MYO1D: variants seen among roughly 807,000 people sequenced by gnomAD.
MYO1D encodes unconventional myosin-Id.
In MYO1D, 83 loss-of-function variants were observed where a neutral mutation model predicts 122.0. The observed-to-expected ratio is 0.68, with a 90% CI of 0.57 to 0.82. The LOEUF is 0.82. Ranked by LOEUF, MYO1D falls within the 40% of genes least tolerant of loss-of-function variation. The pLI, the probability that MYO1D is intolerant of heterozygous loss-of-function variation, is 0.00. For missense variants in MYO1D, 1,157 were observed against 1,269.5 expected (o/e 0.91, Z 1.35); for synonymous variants, 464 against 446.9 (o/e 1.04, Z -0.48).
At chr17:32,531,144 G>A (rs1910497352) in intron 21 of MYO1D, 1 of 152,232 alleles carries the variant, frequency 6.6e-6, no homozygotes, top group Non-Finnish European at 1.5e-5. Flanking sequence ...CTGGGTACAG[G>A]GCATGAGAAC....
At chr17:32,564,427 T>A (rs928029893) in intron 21 of MYO1D, among the ~76,000 whole-genome samples, 1 of 152,196 alleles carries the variant, frequency 6.6e-6, no homozygotes, top group Non-Finnish European at 1.5e-5. Context: ...ACCCTCTACT[T>A]AGCAATTATG....
chr17:32,856,350 A>G (rs1369678602), intron 1 of MYO1D, among the ~76,000 whole-genome samples: 5 of 152,084 alleles, frequency 3.3e-5, no homozygotes, highest in African/African-American at 1.2e-4. Flanking sequence ...CCTCCTTCCC[A>G]TCATTACCTA....
At chr17:32,625,774 G>C (rs2087920011) in intron 20 of MYO1D, among the ~76,000 whole-genome samples, 1 of 152,138 alleles carries the variant, frequency 6.6e-6, no homozygotes, top group African/African-American at 2.4e-5. Flanking sequence ...CAGGTGATCT[G>C]CCTGCTTCAG....
At chr17:32,772,128 G>A (rs947351338) in intron 5 of MYO1D, among the ~76,000 whole-genome samples, 7 of 152,124 alleles carry the variant, frequency 4.6e-5, no homozygotes, top group Admixed American at 1.3e-4. Flanking sequence ...GTTACTTTCT[G>A]TTAACCTTGA....
At chr17:32,645,767 G>A (rs2150944798) in intron 19 of MYO1D, among the ~76,000 whole-genome samples, 1 of 152,192 alleles carries the variant, frequency 6.6e-6, no homozygotes, top group East Asian at 1.9e-4. Context: ...GTCCTTTAAT[G>A]ACTTCTCTGC....
At chr17:32,622,926 C>T (rs1224011423) in intron 20 of MYO1D, among the ~76,000 whole-genome samples, 4 of 152,228 alleles carry the variant, frequency 2.6e-5, no homozygotes, top group African/African-American at 7.2e-5. Context: ...TATCCTAACA[C>T]TTGTGTTGCC....
intron 21 of MYO1D, among the ~76,000 whole-genome samples, chr17:32,586,612 T>C (rs903055604): frequency 1.3e-5 from 2 of 152,246 alleles, no homozygotes; most frequent in Non-Finnish European, 2.9e-5. Context: ...ACCCAATTTC[T>C]TCTCACTGAA....
intron 11 of MYO1D, among the ~76,000 whole-genome samples, chr17:32,751,192 CG>C (rs2089894866): frequency 6.6e-6 from 1 of 151,850 alleles, no homozygotes; most frequent in African/African-American, 2.4e-5. Flanking sequence ...AACTTTAATA[CG>C]GAAGAAGCAA....
In MYO1D at chr17:32,624,866, C is replaced by A. The variant is rs139988641; in HGVS notation, c.2709+13856G>T. Among the ~76,000 whole-genome samples, 620 of 151,740 alleles carry A rather than the reference C, an allele frequency of 4.1e-3. 2 individuals carry two copies. Among genetic ancestry groups the A allele is most frequent in the Middle Eastern group, 0.014 (4 of 294 alleles). On this transcript the variant is annotated intron_variant, in intron 20 of 21. Coordinates refer to ENST00000318217, the MANE Select transcript of MYO1D (RefSeq NM_015194.3). ...TATGCAATGGCGCGATCTTGGCTCACTGCAACCTCCGCCTCCCGGGTTCAA... is the reference window on the plus strand; with the variant it reads ...TATGCAATGGCGCGATCTTGGCTCAATGCAACCTCCGCCTCCCGGGTTCAA...
rs906607415 is a variant in MYO1D, at chr17:32,724,122, C to A, written c.1747-2933G>T. On this transcript the variant is annotated intron_variant, in intron 14 of 21. Transcript: ENST00000318217. ...AACTTAATAGGATGGGGAAGTCGGG[C>A]GGAGGCACTGTTTACTTAAGGATTT... Among the ~76,000 whole-genome samples the A allele has an allele frequency of 5.3e-5, 8 of 152,086 alleles. No homozygotes were observed. The South Asian group carries it at 1.2e-3, about 24-fold the overall frequency.
intron 13 of MYO1D, among the ~76,000 whole-genome samples, chr17:32,742,602 G>A (rs1466299102): frequency 6.6e-6 from 1 of 152,158 alleles, no homozygotes; most frequent in East Asian, 1.9e-4. Context: ...AACATTTTCT[G>A]CACAGAGAAA....
In MYO1D at chr17:32,802,939, C is replaced by T. The variant is rs146011144; in HGVS notation, c.96-22155G>A. Among the ~76,000 whole-genome samples the T allele has an allele frequency of 1.1e-3, 164 of 152,124 alleles. 2 individuals carry two copies. The highest frequency in any genetic ancestry group is 2.6e-3 in the Admixed American group (40 of 15,284). On this transcript the variant is annotated intron_variant, in intron 1 of 21. Coordinates refer to ENST00000318217, the MANE Select transcript of MYO1D (RefSeq NM_015194.3). ...TTGTCTTGGTTTTAGATTTGGTGGC[C>T]AAATCGCACTATTACACACTAGTCC...
At chr17:32,761,027 T>C (rs773953733) in intron 8 of MYO1D, among the ~76,000 whole-genome samples, 8 of 151,088 alleles carry the variant, frequency 5.3e-5, no homozygotes, top group Non-Finnish European at 1.0e-4. Flanking sequence ...GCTATATGAA[T>C]TCTAAAAAAT....
At chr17:32,694,110 A>G (rs1298518132) in intron 16 of MYO1D, among the ~76,000 whole-genome samples, 1 of 152,234 alleles carries the variant, frequency 6.6e-6, no homozygotes, top group African/African-American at 2.4e-5. Context: ...GTAAGTCTTC[A>G]GTGTTTCAAC....
At chr17:32,651,789 C>T (rs1365916651) in intron 19 of MYO1D, among the ~76,000 whole-genome samples, 3 of 151,854 alleles carry the variant, frequency 2.0e-5, no homozygotes, top group East Asian at 1.9e-4. Context: ...AATTCTCCTG[C>T]CCCAGGCTCC....
chr17:32,610,342 G>A (rs542472557), intron 20 of MYO1D, among the ~76,000 whole-genome samples: 1 of 152,286 alleles, frequency 6.6e-6, no homozygotes, highest in South Asian at 2.1e-4. Flanking sequence ...GCCTAGTGGT[G>A]TGTCAGTCTC....
chr17:32,790,999 T>A (rs1179914536), intron 1 of MYO1D, among the ~76,000 whole-genome samples: 1 of 152,084 alleles, frequency 6.6e-6, no homozygotes, highest in Non-Finnish European at 1.5e-5. Flanking sequence ...AACGCACATG[T>A]CAAAAGGACA....
At chr17:32,543,931 T>G (rs1910932928) in intron 21 of MYO1D, among the ~76,000 whole-genome samples, 1 of 152,126 alleles carries the variant, frequency 6.6e-6, no homozygotes, top group Non-Finnish European at 1.5e-5. Flanking sequence ...TAGCTGGGAC[T>G]ATAGGCGTGT....
rs1259949817 is a variant in MYO1D at position 32,712,841 on chromosome 17, C to G, written c.1914-646G>C. Reference sequence around the variant, plus strand: ...CTTGCTTCATGAGTGTGAGTGTGAACAAGACAGAAGTCACAGAGTCACAGT... The same window carrying G: ...CTTGCTTCATGAGTGTGAGTGTGAAGAAGACAGAAGTCACAGAGTCACAGT... On this transcript the variant is annotated intron_variant, in intron 15 of 21. Transcript: ENST00000318217. 5.3e-5 allele frequency among the ~76,000 whole-genome samples: 8 copies of G among 152,134 alleles called. No homozygotes were observed. The South Asian group carries it at 1.7e-3, about 32-fold the overall frequency.
Sources: allele counts gnomAD v4.1 joint callset (sites outside exome capture counted in the v4.1 genomes callset), GRCh38; gene constraint gnomAD v4.1.1; transcripts MANE v1.5; gene names NCBI Gene and HGNC (gene_info 2026-07-23, HGNC 2026-07-21).